The following EIF3E variants were observed in gnomAD, a reference collection of about 807,000 sequenced individuals.
The protein encoded by EIF3E is eukaryotic translation initiation factor 3 subunit E, also known as eIF-3 p48.
In EIF3E, 25 loss-of-function variants were observed where a neutral mutation model predicts 59.3. The observed-to-expected ratio is 0.42, with a 90% CI of 0.31 to 0.59. The LOEUF (loss-of-function observed/expected upper bound fraction) is 0.59. Ranked by LOEUF, EIF3E falls within the 20% of genes least tolerant of loss-of-function variation. The pLI, the probability that EIF3E is intolerant of heterozygous loss-of-function variation, is 0.15. For missense variants in EIF3E, 317 were observed against 534.3 expected (o/e 0.59, Z 4.01); for synonymous variants, 176 against 170.2 (o/e 1.03, Z -0.26).
chr8:108,234,296 G>C (rs1318716537), intron 5 of EIF3E: 1 of 152,210 alleles, frequency 6.6e-6, no homozygotes, highest in Admixed American at 6.5e-5. Context: ...GCCTCCCAAA[G>C]TGCTGTGATT....
intron 10 of EIF3E, among the ~76,000 whole-genome samples, chr8:108,211,706 A>C (rs944769851): frequency 5.3e-5 from 8 of 152,182 alleles, no homozygotes; most frequent in African/African-American, 1.7e-4. Context: ...CGCCTAAAAA[A>C]CTGGTTACCT....
At chr8:108,225,376 C>T (rs751249266) in intron 7 of EIF3E, among the ~76,000 whole-genome samples, 13 of 151,410 alleles carry the variant, frequency 8.6e-5, no homozygotes, top group Non-Finnish European at 1.6e-4. Flanking sequence ...TGTGGTTTTT[C>T]TGGTGTTGTA....
intron 7 of EIF3E, chr8:108,226,118 A>C (rs1815511940): frequency 6.6e-6 from 1 of 152,074 alleles, no homozygotes; most frequent in South Asian, 2.1e-4. Context: ...CCAAGAACCT[A>C]GAGACAATAT....
Position 108,229,204 on chromosome 8 carries a change from G to T in EIF3E, c.472-9C>A, listed in dbSNP as rs761413221. ...CTATCTGTTGCTGGAACCTGTTTAAGAAATCATAATTAATTATATTGTGAA... is the reference window on the plus strand; with the variant it reads ...CTATCTGTTGCTGGAACCTGTTTAATAAATCATAATTAATTATATTGTGAA... On this transcript the variant is annotated splice_polypyrimidine_tract_variant and intron_variant, in intron 5 of 12. Transcript: ENST00000220849. 4 of 1,610,510 alleles carry T rather than the reference G, an allele frequency of 2.5e-6. No homozygotes were observed. In the African/African-American group the frequency reaches 5.4e-5, roughly 22 times the overall value.
intron 12 of EIF3E, among the ~76,000 whole-genome samples, 193 bp downstream of exon 12, chr8:108,202,790 T>C (rs1242407158): frequency 6.6e-6 from 1 of 152,032 alleles, no homozygotes; most frequent in Non-Finnish European, 1.5e-5. Context: ...ACACAATTTC[T>C]TTTTCAGTTT....
chr8:108,213,741 T>G (rs1225983909), intron 10 of EIF3E, among the ~76,000 whole-genome samples: 1 of 152,196 alleles, frequency 6.6e-6, no homozygotes, highest in Non-Finnish European at 1.5e-5. Flanking sequence ...AAATTCTGTC[T>G]GCAAGCTACA....
At chr8:108,216,068 T>G (rs1162940464) in intron 9 of EIF3E, among the ~76,000 whole-genome samples, 1 of 152,206 alleles carries the variant, frequency 6.6e-6, no homozygotes, top group African/African-American at 2.4e-5. Flanking sequence ...TATGAAATAT[T>G]AAAAATATTC....
intron 2 of EIF3E, among the ~76,000 whole-genome samples, chr8:108,241,222 C>A (rs921187332): frequency 5.3e-5 from 8 of 151,928 alleles, no homozygotes; most frequent in African/African-American, 1.7e-4. Flanking sequence ...TCTCTACTGC[C>A]AAAATTCTTG....
At position 108,228,365 on chromosome 8, in the gene EIF3E, A is replaced by T; in HGVS notation, c.624T>A (p.Leu208=). 1 of 1,582,572 alleles carries T rather than the reference A, an allele frequency of 6.3e-7. No individual in the cohort carries two copies. Among genetic ancestry groups the T allele is most frequent in the South Asian group, 1.2e-5 (1 of 85,144 alleles). Residue 208 remains leucine, a synonymous_variant, in exon 7 of 13, where the codon CTT becomes CTA. Coordinates refer to ENST00000220849, the MANE Select transcript of EIF3E (RefSeq NM_001568.3). ...AGTGAATGAGCCATGTTCTCTGCTG[A>T]AGAGACTGAAGTGGAGAACTCACAG... ...NNSVSSPLQS[L]QQRTWLIHWS...
At chr8:108,233,918 C>T (rs1308297803) in intron 5 of EIF3E, among the ~76,000 whole-genome samples, 1 of 148,524 alleles carries the variant, frequency 6.7e-6, no homozygotes, top group East Asian at 2.0e-4. Context: ...ATTATAATTT[C>T]TCAAATGAGA....
At chr8:108,237,762 G>A (rs1232381957) in intron 3 of EIF3E, among the ~76,000 whole-genome samples, 2 of 152,072 alleles carry the variant, frequency 1.3e-5, no homozygotes, top group East Asian at 3.9e-4. Context: ...CATTTGCAGT[G>A]GATCACACTG....
chr8:108,203,382 T>C lies in EIF3E; in HGVS notation c.1164+19A>G, dbSNP rs1164404022. On this transcript the variant is annotated intron_variant, in intron 11 of 12. Transcript: ENST00000220849. ...AATCAGGAACTGATAGTATGTAGCA[T>C]AGCTAACATAATACTCACTAATTTA... is the stretch of plus-strand genomic sequence containing the variant. 7.5e-6 allele frequency: 12 copies of C among 1,596,062 alleles called. No homozygotes were observed. Among genetic ancestry groups the C allele is most frequent in the African/African-American group, 2.7e-5 (2 of 74,416 alleles).
rs28680350 is a variant in EIF3E at position 108,248,487 on chromosome 8, C to G, written c.90+126G>C. On this transcript the variant is annotated intron_variant, in intron 1 of 12. Transcript: ENST00000220849. The stretch of plus-strand genomic sequence containing the variant: ...TAAACTACCAGAAGATCCTTAGTGT[C>G]CGTCCAGGAACCAAACTCGCGACCG... The G allele has an allele frequency of 1.2e-3, 971 of 828,422 alleles. 4 individuals are homozygous for G. The African/African-American group carries it at 0.015, about 13-fold the overall frequency. The allele number at this position is 828,422 out of a possible 1,614,324, so 51.3% of individuals were successfully genotyped here.
At position 108,214,816 on chromosome 8, in the gene EIF3E, A is replaced by G. The variant is rs59929016; in HGVS notation, c.952-100T>C. 3,510 of 1,029,324 alleles carry G rather than the reference A, an allele frequency of 3.4e-3. 70 individuals are homozygous for G. In the African/African-American group the frequency reaches 0.048, roughly 14 times the overall value. 63.8% of individuals were successfully genotyped at this position (1,029,324 alleles called of 1,614,324 possible). A position where few individuals can be genotyped will look rare whatever the true frequency, so the allele number is the denominator to read the frequency against. ...TGCTTTATTTTTCCATTCTACAATC[A>G]TGAGTTTTATACCACAGCACTTTCT... On this transcript the variant is annotated intron_variant, in intron 9 of 12. Transcript: ENST00000220849.
At chr8:108,214,771 C>A in intron 9 of EIF3E, 55 bp from the exon 10 acceptor site, 1 of 1,452,090 alleles carries the variant, frequency 6.9e-7, no homozygotes, top group Non-Finnish European at 9.5e-7. Flanking sequence ...TTGCCTGAAA[C>A]GTGAATCAAA....
chr8:108,233,668 TC>T, intron 5 of EIF3E: 1 of 412,264 alleles, frequency 2.4e-6, no homozygotes, highest in Non-Finnish European at 4.9e-6. Context: ...ATAGCAAGAC[TC>T]CATCTTGGAA....
At chr8:108,203,157 T>C (rs1815025949) in intron 11 of EIF3E, 40 bp from the exon 12 acceptor site, 4 of 1,596,410 alleles carry the variant, frequency 2.5e-6, no homozygotes, top group Non-Finnish European at 2.6e-6. Context: ...ATAATGTTAA[T>C]GACTGAGTTT....
At chr8:108,244,018 C>T (rs898583425) in intron 1 of EIF3E, among the ~76,000 whole-genome samples, 1 of 152,054 alleles carries the variant, frequency 6.6e-6, no homozygotes, top group Non-Finnish European at 1.5e-5. Context: ...TCAATTCTGC[C>T]TCATAAGCAG....
At chr8:108,244,801 C>G (rs1815914521) in intron 1 of EIF3E, among the ~76,000 whole-genome samples, 1 of 151,894 alleles carries the variant, frequency 6.6e-6, no homozygotes, top group African/African-American at 2.4e-5. Context: ...CAATCACTAA[C>G]TCTGGAAAAA....
Sources: gnomAD v4.1 joint callset for allele counts (sites outside exome capture counted in the v4.1 genomes callset) on GRCh38, gnomAD v4.1.1 for gene constraint, MANE v1.5 for transcripts, NCBI Gene and HGNC (gene_info 2026-07-23, HGNC 2026-07-21) for gene names.